Variants in LANCL3 observed in about 807,000 individuals in gnomAD.
LANCL3 encodes lanC-like protein 3.
Under a neutral mutation model 26.5 loss-of-function variants are expected in LANCL3, and 19 were observed. The observed-to-expected ratio is 0.72, with a 90% CI of 0.50 to 1.05. The LOEUF (loss-of-function observed/expected upper bound fraction) is 1.05. Among genes scored for constraint, LANCL3 ranks in the 50% least tolerant of loss-of-function variants. LANCL3 has a pLI of 0.00. For synonymous variants in LANCL3, 160 were observed against 166.6 expected, an observed-to-expected ratio of 0.96 and a Z score of 0.30; for missense variants, 318 against 362.7, an observed-to-expected ratio of 0.88 and a Z score of 1.00.
chrX:37,681,937 A>G lies in LANCL3; in HGVS notation c.*6124A>G, dbSNP rs1602141351. On this transcript the variant is annotated 3_prime_UTR_variant, in exon 5 of 5. Transcript: ENST00000378619. ...ACATAGATCTTCAGAAAGTACCAAA[A>G]TATATACCTTCCTCTTATTCTTTCA... 1 of 111,623 alleles carries G rather than the reference A, an allele frequency of 9.0e-6. No homozygotes were observed. Among genetic ancestry groups the G allele is most frequent in the African/African-American group, 3.3e-5 (1 of 30,654 alleles). 9.2% of individuals were successfully genotyped at this position (111,623 alleles called of 1,213,427 possible).
rs782195768 is a variant in LANCL3 at position 37,572,225 on chromosome X, G to A, written c.355G>A (p.Ala119Thr). The A allele has an allele frequency of 1.9e-5, 22 of 1,152,047 alleles. No individual in the cohort carries two copies. Among genetic ancestry groups the A allele is most frequent in the Admixed American group, 4.9e-5 (2 of 40,467 alleles). 94.9% of individuals were successfully genotyped at this position (1,152,047 alleles called of 1,213,427 possible). Reference protein sequence around the residue: ...WGEPDADTRAAFLLGGAGVYA... With the variant: ...WGEPDADTRATFLLGGAGVYA... ...CGAACCGGACGCCGACACCCGCGCCGCCTTCCTGCTCGGGGGCGCGGGCGT... is the reference window on the plus strand; with the variant it reads ...CGAACCGGACGCCGACACCCGCGCCACCTTCCTGCTCGGGGGCGCGGGCGT... Residue 119 changes from alanine to threonine, a missense_variant, in exon 1 of 5, where the codon GCC (alanine) becomes ACC (threonine). Physicochemically the swap from Ala to Thr is moderately conservative, Grantham distance 58 (BLOSUM62 0). Coordinates refer to ENST00000378619, the MANE Select transcript of LANCL3 (RefSeq NM_001170331.2).
Position 37,572,313 on chromosome X carries a change from G to C in LANCL3, c.443G>C (p.Gly148Ala). ...CGGTCCGACTACGTGCAGCCGCTGG[G>C]CAAGTTCCGGGCTCTGTGTGCCGTC... The part of the protein sequence containing the change: ...LGRSDYVQPL[G>A]KFRALCAVCA... Residue 148 changes from glycine (G) to alanine (A), a missense_variant, in exon 1 of 5, where the codon GGC becomes GCC. Gly to Ala is a moderately conservative substitution (Grantham distance 60). Coordinates refer to ENST00000378619, the MANE Select transcript of LANCL3 (RefSeq NM_001170331.2). 1 of 1,160,741 alleles carries C rather than the reference G, an allele frequency of 8.6e-7. No individual in the cohort carries two copies. The highest frequency in any genetic ancestry group is 1.1e-6 in the Non-Finnish European group (1 of 870,921).
chrX:37,572,074 C>T lies in LANCL3; in HGVS notation c.204C>T (p.Gly68=), dbSNP rs782198659. The T allele has an allele frequency of 1.7e-6, 2 of 1,176,438 alleles. No individual in the cohort carries two copies. Among genetic ancestry groups the T allele is most frequent in the Non-Finnish European group, 2.3e-6 (2 of 880,574 alleles). The change falls in exon 1 of 5, where the codon GGC becomes GGT. Residue 68 remains glycine (G), a synonymous_variant. Transcript: ENST00000378619. ...ASACQGGLYG[G]VAGVAYMLYH... ...CCTGCCAGGGGGGGCTTTATGGCGGCGTGGCCGGAGTGGCGTATATGCTCT... is the reference window on the plus strand; with the variant it reads ...CCTGCCAGGGGGGGCTTTATGGCGGTGTGGCCGGAGTGGCGTATATGCTCT...
At chrX:37,632,566 T>C (rs1216389389) in intron 1 of LANCL3, among the ~76,000 whole-genome samples, 10 of 112,253 alleles carry the variant, frequency 8.9e-5, no homozygotes, top group African/African-American at 3.2e-4. Flanking sequence ...CTTTACAATT[T>C]GGCATGATTT....
At chrX:37,641,966 C>T (rs1556425948) in intron 1 of LANCL3, among the ~76,000 whole-genome samples, 4 of 111,748 alleles carry the variant, frequency 3.6e-5, no homozygotes. Context: ...GATCTACTGT[C>T]ATGGTGACGG....
intron 1 of LANCL3, among the ~76,000 whole-genome samples, chrX:37,634,784 A>G (rs1471949067): frequency 4.5e-5 from 5 of 111,884 alleles, no homozygotes; most frequent in Non-Finnish European, 9.4e-5. Flanking sequence ...TAGGAAATAT[A>G]TACTGAAGTA....
At chrX:37,608,115 A>T (rs1383690366) in intron 1 of LANCL3, among the ~76,000 whole-genome samples, 1 of 112,203 alleles carries the variant, frequency 8.9e-6, no homozygotes, top group East Asian at 2.8e-4. Flanking sequence ...TAAAAGCCTT[A>T]AACAATTTGT....
chrX:37,574,915 GTATA>G (rs57888407), intron 1 of LANCL3, among the ~76,000 whole-genome samples: 1 of 102,228 alleles, frequency 9.8e-6, no homozygotes, highest in Admixed American at 1.1e-4. Flanking sequence ...GTGTGTGTAT[GTATA>G]TATATATATA....
chrX:37,619,733 T>A (rs1925104625), intron 1 of LANCL3, among the ~76,000 whole-genome samples: 1 of 112,001 alleles, frequency 8.9e-6, no homozygotes, highest in Non-Finnish European at 1.9e-5. Flanking sequence ...TCTCTCCACT[T>A]TCTTACATTC....
At chrX:37,611,193 G>A (rs980116162) in intron 1 of LANCL3, among the ~76,000 whole-genome samples, 5 of 111,862 alleles carry the variant, frequency 4.5e-5, no homozygotes, top group African/African-American at 9.8e-5. Flanking sequence ...GCCCAAACAC[G>A]CTCATGAAGC....
At chrX:37,576,325 G>C (rs781974028) in intron 1 of LANCL3, among the ~76,000 whole-genome samples, 140 of 111,529 alleles carry the variant, frequency 1.3e-3, no homozygotes, top group African/African-American at 4.5e-3. Context: ...GGGTTTCTTA[G>C]GCAGATATCC....
At chrX:37,652,701 C>T (rs1465133024) in intron 1 of LANCL3, among the ~76,000 whole-genome samples, 2 of 111,636 alleles carry the variant, frequency 1.8e-5, no homozygotes, top group African/African-American at 3.3e-5. Context: ...GTTCCCCCAC[C>T]GGAAATGCTG....
intron 1 of LANCL3, 22 bp downstream of exon 1, chrX:37,572,465 G>C (rs1923627973): frequency 4.4e-6 from 5 of 1,147,949 alleles, no homozygotes; most frequent in South Asian, 1.9e-5. Context: ...CCCGGGCCGC[G>C]GGAGGGCGCT....
chrX:37,657,094 C>T (rs1345054909), intron 2 of LANCL3, among the ~76,000 whole-genome samples: 2 of 112,664 alleles, frequency 1.8e-5, no homozygotes, highest in Admixed American at 1.9e-4. Flanking sequence ...AGAATCGTTT[C>T]ACCCAAGGGG....
chrX:37,680,413 T>C lies in LANCL3; in HGVS notation c.*4600T>C, dbSNP rs1189085608. The C allele has an allele frequency of 1.8e-5, 2 of 111,555 alleles. No homozygotes were observed. The highest frequency in any genetic ancestry group is 6.5e-5 in the African/African-American group (2 of 30,687). 9.2% of individuals were successfully genotyped at this position (111,555 alleles called of 1,213,427 possible). The stretch of plus-strand genomic sequence containing the variant: ...GCCTGGTGGATGATGCCTTTAGAGT[T>C]TTTTGTTTTGTTTTGTTTTTGTTTT... On this transcript the variant is annotated 3_prime_UTR_variant, in exon 5 of 5. Transcript: ENST00000378619.
At chrX:37,592,494 T>C (rs1448011212) in intron 1 of LANCL3, among the ~76,000 whole-genome samples, 2 of 111,569 alleles carry the variant, frequency 1.8e-5, no homozygotes, top group Non-Finnish European at 3.8e-5. Context: ...CATAAGAAAA[T>C]TTCCCAAATG....
At chrX:37,613,753 G>T (rs1924938876) in intron 1 of LANCL3, among the ~76,000 whole-genome samples, 1 of 112,497 alleles carries the variant, frequency 8.9e-6, no homozygotes, top group Non-Finnish European at 1.9e-5. Flanking sequence ...ATTTACTGCA[G>T]TATGTTTAGT....
intron 1 of LANCL3, among the ~76,000 whole-genome samples, chrX:37,633,507 G>A (rs1373491337): frequency 1.8e-5 from 2 of 111,349 alleles, no homozygotes; most frequent in Non-Finnish European, 3.8e-5. Flanking sequence ...GAGGCGCTCT[G>A]CTTTTTAGAG....
chrX:37,648,037 T>C (rs1175020007), intron 1 of LANCL3, among the ~76,000 whole-genome samples: 1 of 112,579 alleles, frequency 8.9e-6, no homozygotes, highest in Non-Finnish European at 1.9e-5. Context: ...CCCTCAAGAC[T>C]AAGACAAACT....
Sources: gnomAD v4.1 joint callset for allele counts (sites outside exome capture counted in the v4.1 genomes callset) on GRCh38, gnomAD v4.1.1 for gene constraint, MANE v1.5 for transcripts, NCBI Gene and HGNC (gene_info 2026-07-23, HGNC 2026-07-21) for gene names.